CNTNAP4: variants seen among roughly 807,000 people sequenced by gnomAD.
CNTNAP4 encodes contactin associated protein family member 4, also known as contactin-associated protein-like 4.
In CNTNAP4, 98 loss-of-function variants were observed where a neutral mutation model predicts 148.4. The ratio of observed to expected loss-of-function variants is 0.66; its 90% CI spans 0.56 to 0.78. The LOEUF is 0.78. Ranked by LOEUF, CNTNAP4 falls within the 30% of genes least tolerant of loss-of-function variation. CNTNAP4 has a pLI of 0.00. For synonymous variants in CNTNAP4, 730 were observed against 565.1 expected, an observed-to-expected ratio of 1.29 and a Z score of -4.14; for missense variants, 1,935 against 1,565.6, an observed-to-expected ratio of 1.24 and a Z score of -3.98.
Position 76,495,114 on chromosome 16 carries a change from A to T in CNTNAP4, c.2237+48A>T, listed in dbSNP as rs545577033. Reference sequence around the variant, plus strand: ...ATGCAAGAAAAAGTTCATTTAAAAAAATTAATCACTCAAAGTATGTATAGC... The same window carrying T: ...ATGCAAGAAAAAGTTCATTTAAAAATATTAATCACTCAAAGTATGTATAGC... On this transcript the variant is annotated intron_variant, in intron 14 of 23. Transcript: ENST00000611870. 6.1e-5 allele frequency: 97 copies of T among 1,595,728 alleles called. No homozygotes were observed. The South Asian group carries it at 1.0e-3, about 17-fold the overall frequency.
chr16:76,328,845 A>C (rs1227726815), intron 2 of CNTNAP4, among the ~76,000 whole-genome samples: 1 of 152,092 alleles, frequency 6.6e-6, no homozygotes, highest in Non-Finnish European at 1.5e-5. Context: ...GGGTTTCTCC[A>C]TTTTGGTCAG....
chr16:76,375,356 AG>A (rs2015314857), intron 3 of CNTNAP4, among the ~76,000 whole-genome samples: 1 of 152,056 alleles, frequency 6.6e-6, no homozygotes. Flanking sequence ...TGGGAGGGGG[AG>A]GTTGCAGTAA....
At chr16:76,325,547 A>C (rs11863974) in intron 2 of CNTNAP4, among the ~76,000 whole-genome samples, 2 of 152,220 alleles carry the variant, frequency 1.3e-5, no homozygotes, top group African/African-American at 4.8e-5. Flanking sequence ...ACATTCCTCC[A>C]AAAGAAATCT....
chr16:76,289,698 C>T (rs117849658), intron 1 of CNTNAP4, among the ~76,000 whole-genome samples: 2,172 of 152,008 alleles, frequency 0.014, 25 homozygotes, highest in Non-Finnish European at 0.025. Flanking sequence ...CTTAGTCTCC[C>T]ATGTAGTGAC....
chr16:76,326,321 T>G (rs1962971375), intron 2 of CNTNAP4, among the ~76,000 whole-genome samples: 1 of 152,158 alleles, frequency 6.6e-6, no homozygotes, highest in African/African-American at 2.4e-5. Context: ...TCTGAAAGTG[T>G]GGTGGGTGGC....
At chr16:76,480,563 T>C (rs1441170428) in intron 12 of CNTNAP4, among the ~76,000 whole-genome samples, 1 of 151,910 alleles carries the variant, frequency 6.6e-6, no homozygotes, top group Non-Finnish European at 1.5e-5. Context: ...CATGGTGAAA[T>C]CTCGTCTCTC....
Position 76,560,240 on chromosome 16 carries a change from A to C in CNTNAP4, c.*1557A>C, listed in dbSNP as rs549119919. On this transcript the variant is annotated 3_prime_UTR_variant, in exon 24 of 24. Coordinates refer to ENST00000611870, the MANE Select transcript of CNTNAP4 (RefSeq NM_033401.5). Reference sequence around the variant, plus strand: ...ACACCAGAAGAATCGGGAAATATGTAAATTTAGCATTACTATCATCTTATT... The same window carrying C: ...ACACCAGAAGAATCGGGAAATATGTCAATTTAGCATTACTATCATCTTATT... Among the ~76,000 whole-genome samples the C allele has an allele frequency of 6.6e-6, 1 of 152,316 alleles. No individual in the cohort carries two copies. The highest frequency in any genetic ancestry group is 6.5e-5 in the Admixed American group (1 of 15,292).
intron 23 of CNTNAP4, 59 bp downstream of exon 23, chr16:76,553,966 T>G: frequency 1.9e-6 from 2 of 1,042,578 alleles, no homozygotes; most frequent in Non-Finnish European, 2.9e-6. Context: ...TGATGATGAA[T>G]ATTTAGCATT....
intron 2 of CNTNAP4, among the ~76,000 whole-genome samples, chr16:76,320,118 A>G (rs1567690922): frequency 6.6e-6 from 1 of 152,208 alleles, no homozygotes; most frequent in Non-Finnish European, 1.5e-5. Flanking sequence ...TTTAAAGTGT[A>G]TCTGGCAAGG....
At chr16:76,479,359 A>T (rs1369577184) in intron 11 of CNTNAP4, 60 bp from the exon 12 acceptor site, 11 of 1,441,026 alleles carry the variant, frequency 7.6e-6, no homozygotes, top group Non-Finnish European at 9.3e-6. Context: ...TCATGTCCAA[A>T]TTAAAAGTTA....
intron 1 of CNTNAP4, among the ~76,000 whole-genome samples, chr16:76,289,826 C>A (rs766560616): frequency 6.6e-6 from 1 of 152,178 alleles, no homozygotes; most frequent in Non-Finnish European, 1.5e-5. Flanking sequence ...CCGCCTCAGC[C>A]TCCCAAAGTG....
At chr16:76,354,104 T>G (rs145241577) in intron 2 of CNTNAP4, among the ~76,000 whole-genome samples, 1 of 152,358 alleles carries the variant, frequency 6.6e-6, no homozygotes, top group Non-Finnish European at 1.5e-5. Flanking sequence ...TGTGCTAACA[T>G]TCTTATTTGG....
intron 2 of CNTNAP4, among the ~76,000 whole-genome samples, chr16:76,353,167 A>C (rs751346611): frequency 6.6e-6 from 1 of 152,214 alleles, no homozygotes; most frequent in East Asian, 1.9e-4. Context: ...GAGGAAGAGC[A>C]TTGTGCTTTT....
At chr16:76,490,535 C>T (rs1030273375) in intron 13 of CNTNAP4, among the ~76,000 whole-genome samples, 2 of 152,196 alleles carry the variant, frequency 1.3e-5, no homozygotes, top group African/African-American at 4.8e-5. Context: ...TGAGCTAATT[C>T]TTGAAGTCAC....
At chr16:76,554,002 T>C (rs1360363757) in intron 23 of CNTNAP4, 95 bp downstream of exon 23, 2 of 757,434 alleles carry the variant, frequency 2.6e-6, no homozygotes, top group Non-Finnish European at 4.4e-6. Flanking sequence ...AATCTGCACA[T>C]ACTCCAAGTG....
At chr16:76,310,577 G>A (rs950718866) in intron 1 of CNTNAP4, among the ~76,000 whole-genome samples, 1 of 152,114 alleles carries the variant, frequency 6.6e-6, no homozygotes, top group Non-Finnish European at 1.5e-5. Context: ...AAAGCTTCCT[G>A]TCAAAGGTCT....
intron 10 of CNTNAP4, among the ~76,000 whole-genome samples, chr16:76,473,964 G>A (rs893729249): frequency 1.3e-5 from 2 of 151,846 alleles, no homozygotes; most frequent in Non-Finnish European, 1.5e-5. Context: ...ATTTGATCAC[G>A]GCTATTTGAT....
At chr16:76,504,533 A>G (rs2082770636) in intron 15 of CNTNAP4, among the ~76,000 whole-genome samples, 1 of 152,174 alleles carries the variant, frequency 6.6e-6, no homozygotes. Flanking sequence ...AATACAAGGG[A>G]AAATCTTAGT....
intron 9 of CNTNAP4, among the ~76,000 whole-genome samples, chr16:76,462,687 T>A (rs1482437709): frequency 6.6e-6 from 1 of 152,176 alleles, no homozygotes; most frequent in Non-Finnish European, 1.5e-5. Flanking sequence ...AGTGGATGTT[T>A]GTTTGAACTA....
Sources: allele counts gnomAD v4.1 joint callset (sites outside exome capture counted in the v4.1 genomes callset), GRCh38; gene constraint gnomAD v4.1.1; transcripts MANE v1.5; gene names NCBI Gene and HGNC (gene_info 2026-07-23, HGNC 2026-07-21).